Variants in PCDHA4 observed in about 807,000 individuals in gnomAD.
PCDHA4 encodes protocadherin alpha-4.
Under a neutral mutation model 61.4 loss-of-function variants are expected in PCDHA4, and 49 were observed. The observed-to-expected ratio is 0.80, with a 90% CI of 0.63 to 1.01. The LOEUF (loss-of-function observed/expected upper bound fraction) is 1.01, where lower values mean the gene tolerates loss of function less well. Among genes scored for constraint, PCDHA4 ranks in the 50% least tolerant of loss-of-function variants. The pLI, the probability that PCDHA4 is intolerant of heterozygous loss-of-function variation, is 0.00. For synonymous variants in PCDHA4, 590 were observed against 550.3 expected (o/e 1.07, Z -1.01); for missense variants, 1,254 against 1,235.8 (o/e 1.01, Z -0.22).
At chr5:140,824,920 A>G (rs1768395100) in intron 1 of PCDHA4, 1 of 152,304 alleles carries the variant, frequency 6.6e-6, no homozygotes, top group African/African-American at 2.4e-5. Context: ...CTGTATACCC[A>G]TGATGAATTT....
chr5:140,976,615 G>C (rs1264627090), intron 1 of PCDHA4, among the ~76,000 whole-genome samples: 2 of 152,102 alleles, frequency 1.3e-5, no homozygotes, highest in Admixed American at 1.3e-4. Context: ...AAACATGACT[G>C]TCAGCTGAAC....
intron 1 of PCDHA4, among the ~76,000 whole-genome samples, chr5:140,900,525 C>A (rs1322679465): frequency 6.6e-6 from 1 of 152,232 alleles, no homozygotes; most frequent in East Asian, 1.9e-4. Context: ...GATCTGCCCA[C>A]CTCGGCTTTC....
intron 1 of PCDHA4, chr5:140,829,426 G>A: frequency 6.2e-7 from 1 of 1,614,124 alleles, no homozygotes; most frequent in Non-Finnish European, 8.5e-7. Flanking sequence ...CTGTGGAGGT[G>A]GCCGACATGA....
At chr5:140,812,147 T>TTTGTTGTTGTTGTTGTTGTTGTTG (rs70988777) in intron 1 of PCDHA4, 1 of 150,790 alleles carries the variant, frequency 6.6e-6, no homozygotes, top group African/African-American at 2.4e-5. Flanking sequence ...GTTTTGGGCT[T>TTTGTTGTTGTTGTTGTTGTTGTTG]TTGTTGTTGT....
chr5:141,000,421 A>ATTTTTTTT (rs34755515), intron 3 of PCDHA4, among the ~76,000 whole-genome samples: 2 of 27,968 alleles, frequency 7.2e-5, no homozygotes, highest in Admixed American at 6.5e-4. Context: ...ATATATATAT[A>ATTTTTTTT]TTTTTTTTTT....
At chr5:140,844,536 C>T (rs945538914) in intron 1 of PCDHA4, among the ~76,000 whole-genome samples, 1 of 149,252 alleles carries the variant, frequency 6.7e-6, no homozygotes, top group South Asian at 2.1e-4. Flanking sequence ...AATCATTCAA[C>T]CCTTTGTTCA....
intron 3 of PCDHA4, among the ~76,000 whole-genome samples, chr5:141,007,792 C>A (rs2098346636): frequency 6.6e-6 from 1 of 152,166 alleles, no homozygotes. Flanking sequence ...TACAAATTAG[C>A]CTTTATCTGC....
chr5:140,875,854 G>C, intron 1 of PCDHA4: 1 of 1,614,160 alleles, frequency 6.2e-7, no homozygotes. Context: ...GGACATTAAC[G>C]ACAACCCGCC....
At chr5:141,008,528 G>C (rs1343778561) in intron 3 of PCDHA4, among the ~76,000 whole-genome samples, 5 of 152,070 alleles carry the variant, frequency 3.3e-5, no homozygotes, top group African/African-American at 9.7e-5. Flanking sequence ...AGACTCTTGG[G>C]AATGTCTTTT....
chr5:140,876,478 G>A (rs782344970), intron 1 of PCDHA4: 1 of 1,614,032 alleles, frequency 6.2e-7, no homozygotes. Flanking sequence ...TCACAGCATG[G>A]TCCTGGTGGA....
intron 1 of PCDHA4, among the ~76,000 whole-genome samples, chr5:140,924,900 AAAAAATAAAAT>A (rs2082119593): frequency 1.6e-5 from 1 of 63,328 alleles, no homozygotes; most frequent in African/African-American, 5.4e-5. Context: ...GTCTCAAAAA[AAAAAATAAAAT>A]AAAATAAAAT....
rs1207415477 is a variant in PCDHA4 at position 140,980,276 on chromosome 5, T to C, written c.2444+1269T>C. 1.3e-5 allele frequency among the ~76,000 whole-genome samples: 2 copies of C among 152,224 alleles called. 1 individual carries two copies. The highest frequency in any genetic ancestry group is 2.9e-5 in the Non-Finnish European group (2 of 68,040). On this transcript the variant is annotated intron_variant, in intron 2 of 3. Transcript: ENST00000530339. ...AAAGCATGGTTTACAGTACCAACTC[T>C]TGAAAAGTACCAAAGCTATGAGTTG... is the stretch of plus-strand genomic sequence containing the variant.
intron 1 of PCDHA4, among the ~76,000 whole-genome samples, chr5:140,940,904 GT>G (rs1437754574): frequency 6.6e-6 from 1 of 152,188 alleles, no homozygotes; most frequent in Non-Finnish European, 1.5e-5. Context: ...TTTAAATCAA[GT>G]TCAAGACTTG....
intron 1 of PCDHA4, among the ~76,000 whole-genome samples, chr5:140,953,309 G>A (rs563699783): frequency 1.3e-5 from 2 of 152,220 alleles, no homozygotes; most frequent in East Asian, 1.9e-4. Flanking sequence ...AGAGATGTGG[G>A]AAGAATTTGA....
chr5:140,824,062 C>T (rs2150131839), intron 1 of PCDHA4: 2 of 1,614,200 alleles, frequency 1.2e-6, no homozygotes, highest in African/African-American at 1.3e-5. Flanking sequence ...TGGGGAAGCT[C>T]CACCCAAAAC....
chr5:140,869,363 A>G lies in PCDHA4; in HGVS notation c.2385+59791A>G, dbSNP rs1201912812. The G allele has an allele frequency of 9.3e-6, 15 of 1,614,010 alleles. No individual in the cohort carries two copies. In the Admixed American group the frequency reaches 2.5e-4, roughly 27 times the overall value. ...CTGCAGAATGGCATTTTGTTTGTGA[A>G]TTCTCGGATCGACCGCGAGGAGCTG... On this transcript the variant is annotated intron_variant, in intron 1 of 3. Coordinates refer to ENST00000530339, the MANE Select transcript of PCDHA4 (RefSeq NM_018907.4).
chr5:140,876,148 G>A, intron 1 of PCDHA4: 1 of 1,613,954 alleles, frequency 6.2e-7, no homozygotes, highest in East Asian at 2.2e-5. Context: ...AACAGGGTCT[G>A]TCCAGATTCA....
At chr5:140,842,221 A>G (rs1420540390) in intron 1 of PCDHA4, 1 of 1,613,116 alleles carries the variant, frequency 6.2e-7, no homozygotes, top group Non-Finnish European at 8.5e-7. Context: ...GAAATACGGG[A>G]GAAATAGTGA....
At chr5:140,891,402 C>T (rs2153434100) in intron 1 of PCDHA4, among the ~76,000 whole-genome samples, 1 of 151,650 alleles carries the variant, frequency 6.6e-6, no homozygotes, top group East Asian at 1.9e-4. Context: ...TATCCCTCGC[C>T]ACCCCCCACT....
Sources: allele counts gnomAD v4.1 joint callset (sites outside exome capture counted in the v4.1 genomes callset), GRCh38; gene constraint gnomAD v4.1.1; transcripts MANE v1.5; gene names NCBI Gene and HGNC (gene_info 2026-07-23, HGNC 2026-07-21).